AIM2: variants seen among roughly 807,000 people sequenced by gnomAD.
AIM2 encodes the protein interferon-inducible protein AIM2.
Under a neutral mutation model 27.7 loss-of-function variants are expected in AIM2, and 30 were observed. The observed-to-expected ratio is 1.08, with a 90% CI of 0.81 to 1.47. AIM2 has a LOEUF of 1.47. Among genes scored for constraint, AIM2 ranks in the 40% most tolerant of loss-of-function variants. The probability of loss-of-function intolerance (pLI) is 0.00; values close to 1 mark genes in which losing one functional copy is unlikely to be tolerated. For synonymous variants in AIM2, 141 were observed against 145.3 expected (o/e 0.97, Z 0.21); for missense variants, 358 against 411.3 (o/e 0.87, Z 1.12).
At chr1:159,080,436 A>G (rs79553633), upstream of AIM2, among the ~76,000 whole-genome samples, 1 of 152,350 alleles carries the variant, frequency 6.6e-6, no homozygotes, top group East Asian at 1.9e-4. Context: ...AATACATCAT[A>G]TAAAGAATTG....
chr1:159,109,391 C>T (rs535962922), intron 1 of AIM2, among the ~76,000 whole-genome samples: 33 of 152,140 alleles, frequency 2.2e-4, no homozygotes, highest in Non-Finnish European at 4.1e-4. Context: ...CATCTCTCAC[C>T]TTATACAAAA....
intron 1 of AIM2, among the ~76,000 whole-genome samples, chr1:159,137,784 C>A (rs777711424): frequency 2.6e-5 from 4 of 152,150 alleles, no homozygotes; most frequent in Admixed American, 2.0e-4. Flanking sequence ...CAAAGTACTG[C>A]GCATTTTGCA....
At chr1:159,107,963 C>A (rs533218682) in intron 1 of AIM2, among the ~76,000 whole-genome samples, 1 of 152,166 alleles carries the variant, frequency 6.6e-6, no homozygotes, top group Non-Finnish European at 1.5e-5. Context: ...CAGCAGAATT[C>A]TACCAGACAT....
upstream of AIM2, among the ~76,000 whole-genome samples, chr1:159,143,893 C>T (rs1270988454): frequency 6.6e-6 from 1 of 152,136 alleles, no homozygotes; most frequent in Non-Finnish European, 1.5e-5. Flanking sequence ...AGGAATGACC[C>T]TGAAACATGT....
upstream of AIM2, among the ~76,000 whole-genome samples, chr1:159,145,356 T>A (rs1648183106): frequency 6.6e-6 from 1 of 152,190 alleles, no homozygotes; most frequent in Admixed American, 6.6e-5. Context: ...TGACCCATCA[T>A]AATAAAGCAT....
intron 1 of AIM2, among the ~76,000 whole-genome samples, chr1:159,086,244 G>T (rs72709586): frequency 0.032 from 4,884 of 152,226 alleles, 106 homozygotes; most frequent in Non-Finnish European, 0.046. Context: ...AGGCAACAAG[G>T]GTGAGGCAAA....
intron 1 of AIM2, among the ~76,000 whole-genome samples, chr1:159,130,800 C>CCA (rs10557540): frequency 0.017 from 2,501 of 145,102 alleles, 36 homozygotes; most frequent in Non-Finnish European, 0.02. Flanking sequence ...AGCCTGGTCA[C>CCA]CACACACACA....
intron 1 of AIM2, among the ~76,000 whole-genome samples, chr1:159,082,360 T>A (rs1656798084): frequency 6.6e-6 from 1 of 152,332 alleles, no homozygotes; most frequent in East Asian, 1.9e-4. Context: ...AAGTGACTTA[T>A]AAACAACAAT....
intron 2 of AIM2, among the ~76,000 whole-genome samples, chr1:159,070,354 A>G (rs1359301982): frequency 6.6e-6 from 1 of 152,206 alleles, no homozygotes; most frequent in East Asian, 1.9e-4. Flanking sequence ...GAAGAAATGG[A>G]TGGATGGGTG....
In AIM2 at chr1:159,083,495, C is replaced by G. The variant is rs146302229; in HGVS notation, c.-15-17166G>C. On this transcript the variant is annotated intron_variant, in intron 1 of 2. Coordinates refer to the AIM2 transcript ENST00000368129. The stretch of plus-strand genomic sequence containing the variant: ...CCTTGTAATATTATTGAATTTCAAT[C>G]AATAGTAATATATTAACTGAATGAA... 1.8e-4 allele frequency among the ~76,000 whole-genome samples: 28 copies of G among 152,190 alleles called. No homozygotes were observed. In the East Asian group the frequency reaches 4.4e-3, roughly 24 times the overall value.
rs1006217615 is a variant in AIM2 at position 159,135,956 on chromosome 1, C to T, written c.-16+4475G>A. ...CCTGCCTTCTCAAAATAGACACACT[C>T]GCCCTCATCCCAGGCTTTAAAGCCC... On this transcript the variant is annotated intron_variant, in intron 1 of 2. Coordinates refer to the AIM2 transcript ENST00000368129. Among the ~76,000 whole-genome samples, 175 of 152,164 alleles carry T rather than the reference C, an allele frequency of 1.2e-3. 2 individuals are homozygous for T. The highest frequency in any genetic ancestry group is 7.3e-5 in the Non-Finnish European group (5 of 68,040).
At chr1:159,137,331 C>T (rs1648028242) in intron 1 of AIM2, among the ~76,000 whole-genome samples, 1 of 152,148 alleles carries the variant, frequency 6.6e-6, no homozygotes, top group South Asian at 2.1e-4. Flanking sequence ...GGAATTGACC[C>T]ATGATGTATA....
At chr1:159,069,813 G>A (rs1249457504) in intron 2 of AIM2, among the ~76,000 whole-genome samples, 1 of 152,202 alleles carries the variant, frequency 6.6e-6, no homozygotes, top group Non-Finnish European at 1.5e-5. Context: ...AAAGTGTTGG[G>A]ATTACAGGCG....
intron 4 of AIM2, among the ~76,000 whole-genome samples, chr1:159,065,326 C>T (rs370255785): frequency 1.2e-3 from 181 of 152,336 alleles, no homozygotes; most frequent in African/African-American, 4.0e-3. Flanking sequence ...GCCCGGCCGC[C>T]GTGCAACCTT....
intron 4 of AIM2, among the ~76,000 whole-genome samples, chr1:159,064,711 C>A (rs530107149): frequency 6.6e-6 from 1 of 152,178 alleles, no homozygotes; most frequent in Non-Finnish European, 1.5e-5. Context: ...GTGATCCATG[C>A]GCCTTGGCCT....
chr1:159,105,520 G>A (rs892788837), intron 1 of AIM2, among the ~76,000 whole-genome samples: 2 of 152,186 alleles, frequency 1.3e-5, no homozygotes, highest in African/African-American at 4.8e-5. Flanking sequence ...TGGACAACTG[G>A]AGGGTGAGCA....
At chr1:159,074,679 G>A (rs922506637) in intron 1 of AIM2, among the ~76,000 whole-genome samples, 1 of 151,734 alleles carries the variant, frequency 6.6e-6, no homozygotes, top group Non-Finnish European at 1.5e-5. Flanking sequence ...CTTTATTTTA[G>A]TACCACTCCA....
chr1:159,086,117 A>G (rs1229369584), intron 1 of AIM2, among the ~76,000 whole-genome samples: 2 of 152,230 alleles, frequency 1.3e-5, no homozygotes, highest in Non-Finnish European at 2.9e-5. Flanking sequence ...GATCTAGGAA[A>G]CATCCAACAG....
intron 1 of AIM2, among the ~76,000 whole-genome samples, chr1:159,127,322 C>T (rs185224702): frequency 6.6e-6 from 1 of 152,218 alleles, no homozygotes; most frequent in East Asian, 1.9e-4. Context: ...CAAATGTGCA[C>T]GGGGCCCTTA....
Sources: gnomAD v4.1 joint callset for allele counts (sites outside exome capture counted in the v4.1 genomes callset) on GRCh38, gnomAD v4.1.1 for gene constraint, MANE v1.5 for transcripts, NCBI Gene and HGNC (gene_info 2026-07-23, HGNC 2026-07-21) for gene names.